Variants in HHAT observed in about 807,000 individuals in gnomAD.
HHAT encodes protein-cysteine N-palmitoyltransferase HHAT.
HHAT carries 47 observed loss-of-function variants against 70.8 expected under a neutral mutation model. The ratio of observed to expected loss-of-function variants is 0.66; its 90% CI spans 0.53 to 0.85. The LOEUF is 0.85. Among genes scored for constraint, HHAT ranks in the 40% least tolerant of loss-of-function variants. The pLI, the probability that HHAT is intolerant of heterozygous loss-of-function variation, is 0.00. For synonymous variants in HHAT, 228 were observed against 247.6 expected (o/e 0.92, Z 0.74); for missense variants, 609 against 604.8 (o/e 1.01, Z -0.07).
At chr1:210,501,332 A>G (rs1169293076) in intron 8 of HHAT, among the ~76,000 whole-genome samples, 1 of 152,182 alleles carries the variant, frequency 6.6e-6, no homozygotes, top group Non-Finnish European at 1.5e-5. Flanking sequence ...TTTCTGTCCT[A>G]TCTCCTCCCC....
intron 7 of HHAT, among the ~76,000 whole-genome samples, chr1:210,449,940 A>C (rs781617287): frequency 3.3e-5 from 5 of 152,128 alleles, no homozygotes; most frequent in Non-Finnish European, 2.9e-5. Flanking sequence ...GGGAGGATGC[A>C]TCCACAGTTC....
rs573462917 is a variant in HHAT at position 210,637,133 on chromosome 1, T to C, written c.1390+13463T>C. ...ATGACCCCCTACTAATGGTAGCTGG[T>C]TATTGGTACTGGTATTATATTAACA... On this transcript the variant is annotated intron_variant, in intron 11 of 11. Transcript: ENST00000261458. Among the ~76,000 whole-genome samples, 10 of 152,332 alleles carry C rather than the reference T, an allele frequency of 6.6e-5. No homozygotes were observed. In the East Asian group the frequency reaches 1.9e-3, roughly 29 times the overall value.
At chr1:210,666,507 G>C (rs116165556) in intron 11 of HHAT, among the ~76,000 whole-genome samples, 3,826 of 152,062 alleles carry the variant, frequency 0.025, 155 homozygotes, top group African/African-American at 0.083. Flanking sequence ...ATTTTTTTTA[G>C]AGGCTCACTC....
intron 4 of HHAT, among the ~76,000 whole-genome samples, chr1:210,398,843 A>G (rs1462189415): frequency 1.3e-5 from 2 of 152,216 alleles, no homozygotes; most frequent in Non-Finnish European, 1.5e-5. Flanking sequence ...AAGCAAATTT[A>G]TGTGGCTGTT....
At chr1:210,673,761 TATTA>T (rs1680592718) in intron 11 of HHAT, among the ~76,000 whole-genome samples, 1 of 52,760 alleles carries the variant, frequency 1.9e-5, no homozygotes, top group Non-Finnish European at 7.0e-5. Flanking sequence ...CTGGCTTATT[TATTA>T]TTTATTTATT....
At chr1:210,626,356 C>T (rs1669831676) in intron 11 of HHAT, among the ~76,000 whole-genome samples, 1 of 152,180 alleles carries the variant, frequency 6.6e-6, no homozygotes, top group Admixed American at 6.5e-5. Context: ...TTGTGTCCTC[C>T]TTGGACTCAG....
chr1:210,459,764 C>A (rs1445630429), intron 7 of HHAT, among the ~76,000 whole-genome samples: 1 of 152,210 alleles, frequency 6.6e-6, no homozygotes, highest in Non-Finnish European at 1.5e-5. Context: ...CATTTATTGT[C>A]CTCTGTCCCA....
At chr1:210,535,155 G>C (rs756370079) in intron 9 of HHAT, among the ~76,000 whole-genome samples, 12 of 152,184 alleles carry the variant, frequency 7.9e-5, no homozygotes, top group Non-Finnish European at 1.3e-4. Context: ...CCTGAGGAAG[G>C]CCACTGTTAT....
At chr1:210,358,857 G>T (rs1310405002) in intron 2 of HHAT, among the ~76,000 whole-genome samples, 1 of 152,168 alleles carries the variant, frequency 6.6e-6, no homozygotes, top group Non-Finnish European at 1.5e-5. Flanking sequence ...AGAGTGAAAA[G>T]GGGTAGGTTA....
At chr1:210,341,001 A>G (rs1214739453) in intron 1 of HHAT, among the ~76,000 whole-genome samples, 1 of 152,232 alleles carries the variant, frequency 6.6e-6, no homozygotes, top group African/African-American at 2.4e-5. Context: ...TATCAGAAGC[A>G]CCAACCTCAA....
chr1:210,406,228 C>T (rs1395599792), intron 6 of HHAT, among the ~76,000 whole-genome samples: 3 of 152,202 alleles, frequency 2.0e-5, no homozygotes, highest in Non-Finnish European at 4.4e-5. Flanking sequence ...CACACACAGA[C>T]ACCCCTCTCC....
In HHAT at chr1:210,402,889, G is replaced by A. The variant is rs947831082; in HGVS notation, c.469-1575G>A. 7.9e-5 allele frequency among the ~76,000 whole-genome samples: 12 copies of A among 152,194 alleles called. No homozygotes were observed. The South Asian group carries it at 1.4e-3, about 18-fold the overall frequency. ...GATGGGAAGGAACATGATGGGAAATGTGAGATGGATGACCTGGTTCCTAGT... is the reference window on the plus strand; with the variant it reads ...GATGGGAAGGAACATGATGGGAAATATGAGATGGATGACCTGGTTCCTAGT... On this transcript the variant is annotated intron_variant, in intron 5 of 11. Coordinates refer to ENST00000261458, the MANE Select transcript of HHAT (RefSeq NM_018194.6).
chr1:210,403,055 T>TC (rs2092153811), intron 5 of HHAT, among the ~76,000 whole-genome samples: 1 of 152,212 alleles, frequency 6.6e-6, no homozygotes, highest in African/African-American at 2.4e-5. Flanking sequence ...AACGGGATAA[T>TC]CTATGTTAAG....
At chr1:210,471,634 AG>A (rs2094206507) in intron 8 of HHAT, among the ~76,000 whole-genome samples, 1 of 152,168 alleles carries the variant, frequency 6.6e-6, no homozygotes, top group Non-Finnish European at 1.5e-5. Flanking sequence ...CCCAAACTCT[AG>A]TAATAATAAT....
In HHAT at chr1:210,615,029, C is replaced by A. The variant is rs1052912766; in HGVS notation, c.1246-8497C>A. 9.8e-5 allele frequency among the ~76,000 whole-genome samples: 15 copies of A among 152,336 alleles called. 1 individual carries two copies. Among genetic ancestry groups the A allele is most frequent in the African/African-American group, 3.6e-4 (15 of 41,568 alleles). Reference sequence around the variant, plus strand: ...TTGAACTAGTTTAGAGTCCCACCAACAGTGTAATAGTGTTCCTATTTCTCC... The same window carrying A: ...TTGAACTAGTTTAGAGTCCCACCAAAAGTGTAATAGTGTTCCTATTTCTCC... On this transcript the variant is annotated intron_variant, in intron 10 of 11. Coordinates refer to ENST00000261458, the MANE Select transcript of HHAT (RefSeq NM_018194.6).
At chr1:210,661,656 G>C (rs185826851) in intron 11 of HHAT, among the ~76,000 whole-genome samples, 2 of 152,192 alleles carry the variant, frequency 1.3e-5, no homozygotes. Context: ...CAACCCAAAT[G>C]TCCATCAATG....
At chr1:210,630,500 A>G (rs772369538) in intron 11 of HHAT, among the ~76,000 whole-genome samples, 2 of 152,252 alleles carry the variant, frequency 1.3e-5, no homozygotes, top group Admixed American at 6.5e-5. Context: ...TAAATTTCAC[A>G]GAAGGACACA....
chr1:210,423,002 G>T (rs1468711052), intron 7 of HHAT, among the ~76,000 whole-genome samples: 4 of 152,224 alleles, frequency 2.6e-5, no homozygotes, highest in African/African-American at 9.6e-5. Context: ...ACATATCTTG[G>T]CTGTTGTGAA....
chr1:210,457,135 A>G (rs897399688), intron 7 of HHAT, among the ~76,000 whole-genome samples: 1 of 152,080 alleles, frequency 6.6e-6, no homozygotes, highest in African/African-American at 2.4e-5. Flanking sequence ...TGGTGGGTTG[A>G]CCACCTCAGG....
Sources: allele counts gnomAD v4.1 joint callset (sites outside exome capture counted in the v4.1 genomes callset), GRCh38; gene constraint gnomAD v4.1.1; transcripts MANE v1.5; gene names NCBI Gene and HGNC (gene_info 2026-07-23, HGNC 2026-07-21).